Variants in NDST3 observed in about 807,000 individuals in gnomAD.
The protein encoded by NDST3 is bifunctional heparan sulfate N-deacetylase/N-sulfotransferase 3.
A neutral mutation model predicts 96.1 loss-of-function variants in NDST3; 58 were observed. The observed-to-expected ratio is 0.60, with a 90% CI of 0.49 to 0.75. The LOEUF is 0.75. Ranked by LOEUF, NDST3 falls within the 30% of genes least tolerant of loss-of-function variation. The pLI is 0.00. For synonymous variants in NDST3, 333 were observed against 359.7 expected (o/e 0.93, Z 0.84); for missense variants, 788 against 1,034.2 (o/e 0.76, Z 3.27).
Position 118,054,276 on chromosome 4 carries a change from C to T in NDST3, c.366C>T (p.Asp122=), listed in dbSNP as rs1482238392. 11 of 1,612,090 alleles carry T rather than the reference C, an allele frequency of 6.8e-6. No homozygotes were observed. In the East Asian group the frequency reaches 1.6e-4, roughly 23 times the overall value. Residue 122 remains aspartate, a synonymous_variant, in exon 2 of 14, where the codon GAC becomes GAT. Coordinates refer to ENST00000296499, the MANE Select transcript of NDST3 (RefSeq NM_004784.3). ...AGGGAGATCTCCCAGTGCTTATAGA[C>T]AAAATGAAAGGCAAATACATTCTCA... is the stretch of plus-strand genomic sequence containing the variant. ...PGKGDLPVLI[D]KMKGKYILII...
At chr4:118,058,747 C>T (rs908657019) in intron 2 of NDST3, among the ~76,000 whole-genome samples, 2 of 151,590 alleles carry the variant, frequency 1.3e-5, no homozygotes, top group Non-Finnish European at 2.9e-5. Context: ...TCAAACTTCC[C>T]GACTAAGGGT....
intron 2 of NDST3, among the ~76,000 whole-genome samples, chr4:118,100,879 G>A (rs938065381): frequency 2.6e-5 from 4 of 152,152 alleles, no homozygotes; most frequent in African/African-American, 9.7e-5. Context: ...GTATGAGTGC[G>A]TGTACACGCG....
intron 4 of NDST3, among the ~76,000 whole-genome samples, chr4:118,130,526 A>G (rs1001135450): frequency 5.9e-5 from 9 of 152,032 alleles, no homozygotes; most frequent in Non-Finnish European, 1.3e-4. Context: ...TATATCTTGA[A>G]AAGTTTTTGT....
chr4:118,070,994 G>A (rs983632472), intron 2 of NDST3, among the ~76,000 whole-genome samples: 14 of 151,640 alleles, frequency 9.2e-5, no homozygotes, highest in South Asian at 2.1e-4. Context: ...TTGTCCTTGC[G>A]ATAGTTTGCT....
At chr4:118,244,159 T>G (rs1270661086) in intron 12 of NDST3, among the ~76,000 whole-genome samples, 2 of 152,078 alleles carry the variant, frequency 1.3e-5, no homozygotes, top group Admixed American at 1.3e-4. Flanking sequence ...TGACATACCT[T>G]GTAAAACCTG....
chr4:118,221,934 C>G (rs1027807029), intron 6 of NDST3, among the ~76,000 whole-genome samples: 1 of 151,060 alleles, frequency 6.6e-6, no homozygotes, highest in Admixed American at 6.6e-5. Flanking sequence ...TGACACTTTC[C>G]ATCTCATTGG....
At chr4:118,035,324 G>C (rs1053545935) in intron 1 of NDST3, among the ~76,000 whole-genome samples, 3 of 151,736 alleles carry the variant, frequency 2.0e-5, no homozygotes, top group African/African-American at 7.3e-5. Context: ...GAGTTTAGAA[G>C]AAAACCCTTC....
rs755631433 is a variant in NDST3, at chr4:118,066,202, T to A, written c.981+11311T>A. 1.9e-3 allele frequency among the ~76,000 whole-genome samples: 106 copies of A among 57,254 alleles called. 11 individuals carry two copies. Among genetic ancestry groups the A allele is most frequent in the African/African-American group, 7.0e-3 (103 of 14,730 alleles). 37.6% of individuals were successfully genotyped at this position (57,254 alleles called of 152,430 possible). A position where few individuals can be genotyped will look rare whatever the true frequency, so the allele number is the denominator to read the frequency against. On this transcript the variant is annotated intron_variant, in intron 2 of 13. Transcript: ENST00000296499. ...ATATTATATATCTTATATATTATAT[T>A]TTATATATTATACATAATATATTAT...
At chr4:118,144,169 G>T (rs748282893) in intron 6 of NDST3, among the ~76,000 whole-genome samples, 1 of 151,894 alleles carries the variant, frequency 6.6e-6, no homozygotes, top group African/African-American at 2.4e-5. Flanking sequence ...AGCAGAGCAG[G>T]CCTATTTAAT....
At chr4:118,095,388 T>C (rs1040908546) in intron 2 of NDST3, among the ~76,000 whole-genome samples, 3 of 151,848 alleles carry the variant, frequency 2.0e-5, no homozygotes, top group Non-Finnish European at 4.4e-5. Context: ...CAACAGTTCA[T>C]TGTGTGTTTG....
intron 5 of NDST3, among the ~76,000 whole-genome samples, chr4:118,140,410 C>T (rs956994938): frequency 2.0e-5 from 3 of 152,054 alleles, no homozygotes; most frequent in Admixed American, 2.0e-4. Context: ...CTGTTTGAGC[C>T]CTAACCAAAG....
chr4:118,071,847 T>C (rs1198360258), intron 2 of NDST3, among the ~76,000 whole-genome samples: 2 of 152,196 alleles, frequency 1.3e-5, no homozygotes, highest in Non-Finnish European at 2.9e-5. Context: ...CTTTCCACAG[T>C]GGCTGAACTA....
At chr4:118,224,458 T>C (rs763604330) in intron 6 of NDST3, 33 bp from the exon 7 acceptor site, 1 of 1,565,860 alleles carries the variant, frequency 6.4e-7, no homozygotes, top group South Asian at 1.2e-5. Flanking sequence ...AAAATAAATG[T>C]TATTTACACT....
intron 3 of NDST3, among the ~76,000 whole-genome samples, chr4:118,106,756 G>A (rs942066706): frequency 6.6e-6 from 1 of 151,670 alleles, no homozygotes; most frequent in African/African-American, 2.4e-5. Context: ...ATGCCACTGC[G>A]CTCCAGTCTA....
intron 8 of NDST3, among the ~76,000 whole-genome samples, chr4:118,229,309 A>G (rs538452985): frequency 6.6e-6 from 1 of 152,314 alleles, no homozygotes; most frequent in East Asian, 1.9e-4. Flanking sequence ...CAAAAAATAA[A>G]AAGTATTTTT....
At position 118,054,647 on chromosome 4, in the gene NDST3, C is replaced by T. The variant is rs1362496121; in HGVS notation, c.737C>T (p.Pro246Leu). 6.2e-7 allele frequency: 1 copy of T among 1,613,152 alleles called. No individual in the cohort carries two copies. Among genetic ancestry groups the T allele is most frequent in the African/African-American group, 1.3e-5 (1 of 74,862 alleles). Reference sequence around the variant, plus strand: ...GTAAAGACCCCAGAAAACCTTTCTCCTTCCATCTCTAAAGGTGCTTTTTAT... The same window carrying T: ...GTAAAGACCCCAGAAAACCTTTCTCTTTCCATCTCTAAAGGTGCTTTTTAT... Reference protein sequence around the residue: ...AKVKTPENLSPSISKGAFYAT... With the variant: ...AKVKTPENLSLSISKGAFYAT... Residue 246 changes from proline to leucine, a missense_variant, in exon 2 of 14, where the codon CCT becomes CTT. Physicochemically the swap from Pro to Leu is moderately conservative, Grantham distance 98. Around this residue, in one of 3 missense-constraint regions of NDST3, gnomAD observed 490 missense variants for 708.8 expected, o/e 0.69. Transcript: ENST00000296499.
chr4:118,132,317 G>A (rs1435645638), intron 4 of NDST3, among the ~76,000 whole-genome samples: 2 of 152,104 alleles, frequency 1.3e-5, no homozygotes, highest in Non-Finnish European at 2.9e-5. Context: ...CTTTCCACAG[G>A]GAGAAGAGCC....
In NDST3 at chr4:118,255,922, T is replaced by C. The variant is rs1742094374; in HGVS notation, c.*210T>C. 4.7e-6 allele frequency: 2 copies of C among 425,038 alleles called. No homozygotes were observed. The highest frequency in any genetic ancestry group is 8.1e-6 in the Non-Finnish European group (2 of 245,426). 26.3% of individuals were successfully genotyped at this position (425,038 alleles called of 1,614,324 possible). A position where few individuals can be genotyped will look rare whatever the true frequency, so the allele number is the denominator to read the frequency against. On this transcript the variant is annotated 3_prime_UTR_variant, in exon 14 of 14. Transcript: ENST00000296499. ...CCTGTGGCCTTTCTCTTAACCCATA[T>C]CTGAGCCTGTGGGATTATTGTAGAC...
chr4:118,150,180 G>T (rs1734286199), intron 6 of NDST3, among the ~76,000 whole-genome samples: 1 of 151,954 alleles, frequency 6.6e-6, no homozygotes, highest in African/African-American at 2.4e-5. Context: ...GAGGATTTTT[G>T]CATCAATGTT....
Sources: gnomAD v4.1 joint callset for allele counts (sites outside exome capture counted in the v4.1 genomes callset) on GRCh38, gnomAD v4.1.1 for gene constraint, gnomAD v4.1.1 regional missense constraint, MANE v1.5 for transcripts, NCBI Gene and HGNC (gene_info 2026-07-23, HGNC 2026-07-21) for gene names.